The following PIP4K2A variants were observed in gnomAD, a reference collection of about 807,000 sequenced individuals.
The protein encoded by PIP4K2A is phosphatidylinositol 5-phosphate 4-kinase type-2 alpha.
PIP4K2A carries 14 observed loss-of-function variants against 42.9 expected under a neutral mutation model. The observed-to-expected ratio is 0.33, with a 90% CI of 0.22 to 0.51. The LOEUF (loss-of-function observed/expected upper bound fraction) is 0.51, where lower values mean the gene tolerates loss of function less well. PIP4K2A is among the 20% of genes least tolerant of loss of function. PIP4K2A has a pLI of 0.97. For missense variants in PIP4K2A, 434 were observed against 519.8 expected (o/e 0.83, Z 1.61); for synonymous variants, 192 against 192.2 (o/e 1.00, Z 0.01).
intron 1 of PIP4K2A, among the ~76,000 whole-genome samples, chr10:22,639,326 C>A (rs1588679099): frequency 6.7e-6 from 1 of 149,572 alleles, no homozygotes; most frequent in South Asian, 2.1e-4. Context: ...CAGAAACACC[C>A]ATTTACTTTA....
intron 1 of PIP4K2A, among the ~76,000 whole-genome samples, chr10:22,697,771 C>G (rs1057010464): frequency 6.6e-6 from 1 of 151,994 alleles, no homozygotes; most frequent in African/African-American, 2.4e-5. Flanking sequence ...CACACACACA[C>G]AAACACACAC....
chr10:22,686,895 C>T (rs367560005), intron 1 of PIP4K2A, among the ~76,000 whole-genome samples: 9 of 152,226 alleles, frequency 5.9e-5, no homozygotes, highest in Middle Eastern at 3.4e-3. Flanking sequence ...TGTCTGGAGA[C>T]GCCAGAAGCG....
intron 7 of PIP4K2A, among the ~76,000 whole-genome samples, chr10:22,550,409 G>C (rs921578256): frequency 6.6e-6 from 1 of 152,220 alleles, no homozygotes; most frequent in Non-Finnish European, 1.5e-5. Flanking sequence ...TGGGACCGGG[G>C]ATTCCCAGCG....
At chr10:22,570,568 T>C (rs1477395372) in intron 5 of PIP4K2A, among the ~76,000 whole-genome samples, 17 of 152,186 alleles carry the variant, frequency 1.1e-4, no homozygotes, top group Admixed American at 1.0e-3. Context: ...GTGGATCCAG[T>C]GTGTGGGGAC....
chr10:22,712,702 C>A (rs1833931626), intron 1 of PIP4K2A, among the ~76,000 whole-genome samples: 1 of 152,112 alleles, frequency 6.6e-6, no homozygotes, highest in African/African-American at 2.4e-5. Flanking sequence ...TCCCAAATAG[C>A]TAAAGAAGTT....
intron 1 of PIP4K2A, chr10:22,659,581 C>G (rs549605957): frequency 6.6e-6 from 1 of 152,230 alleles, no homozygotes; most frequent in East Asian, 1.9e-4. Context: ...GACATTAATG[C>G]TCCGTAGAGC....
chr10:22,671,529 C>G (rs1012273395), intron 1 of PIP4K2A, among the ~76,000 whole-genome samples: 5 of 152,150 alleles, frequency 3.3e-5, no homozygotes, highest in African/African-American at 1.2e-4. Context: ...AGACTGCCCA[C>G]CTGGGTCCTG....
chr10:22,540,738 A>G (rs1445144560), intron 8 of PIP4K2A, among the ~76,000 whole-genome samples: 2 of 152,124 alleles, frequency 1.3e-5, no homozygotes, highest in African/African-American at 2.4e-5. Flanking sequence ...TATTTTTAGT[A>G]GAGATGGGGT....
chr10:22,588,018 T>C lies in PIP4K2A; in HGVS notation c.492+3611A>G, dbSNP rs1006730040. On this transcript the variant is annotated intron_variant, in intron 4 of 9. Coordinates refer to ENST00000376573, the MANE Select transcript of PIP4K2A (RefSeq NM_005028.5). Reference sequence around the variant, plus strand: ...GTTGAGACCTTTTATGAGGTTTCTGTGGAATTCTCTGATCATGTAATTAAC... The same window carrying C: ...GTTGAGACCTTTTATGAGGTTTCTGCGGAATTCTCTGATCATGTAATTAAC... Among the ~76,000 whole-genome samples, 8 of 152,336 alleles carry C rather than the reference T, an allele frequency of 5.3e-5. No individual in the cohort carries two copies. In the South Asian group the frequency reaches 1.7e-3, roughly 32 times the overall value.
chr10:22,650,596 T>C (rs1838974458), intron 1 of PIP4K2A, among the ~76,000 whole-genome samples: 2 of 152,350 alleles, frequency 1.3e-5, no homozygotes, highest in East Asian at 1.9e-4. Context: ...CAAGCTGGAC[T>C]TCTCGCTTCA....
At chr10:22,692,781 C>T in intron 1 of PIP4K2A, among the ~76,000 whole-genome samples, 1 of 152,182 alleles carries the variant, frequency 6.6e-6, no homozygotes, top group South Asian at 2.1e-4. Context: ...TCTTTACTAC[C>T]TACATACCAA....
intron 4 of PIP4K2A, among the ~76,000 whole-genome samples, chr10:22,576,362 G>A (rs940739182): frequency 2.0e-5 from 3 of 152,150 alleles, no homozygotes; most frequent in African/African-American, 7.2e-5. Context: ...GAGAATCCTG[G>A]TGGATTCTCC....
chr10:22,625,138 A>G (rs1484173422), intron 1 of PIP4K2A, among the ~76,000 whole-genome samples: 1 of 152,222 alleles, frequency 6.6e-6, no homozygotes, highest in Non-Finnish European at 1.5e-5. Context: ...CCAGTGATAC[A>G]GTTCTTCCAC....
At position 22,624,709 on chromosome 10, in the gene PIP4K2A, C is replaced by T. The variant is rs370247249; in HGVS notation, c.145-14992G>A. On this transcript the variant is annotated intron_variant, in intron 1 of 9. Transcript: ENST00000376573. ...GGGAAAAAAAAATCAGCACACTTTACGCTTCCTTTCAAAGTAAAGGTGAGA... is the reference window on the plus strand; with the variant it reads ...GGGAAAAAAAAATCAGCACACTTTATGCTTCCTTTCAAAGTAAAGGTGAGA... Among the ~76,000 whole-genome samples the T allele has an allele frequency of 2.1e-3, 314 of 152,208 alleles. 3 individuals carry two copies. Among genetic ancestry groups the T allele is most frequent in the Middle Eastern group, 6.8e-3 (2 of 294 alleles).
chr10:22,567,761 G>A (rs752484463), intron 6 of PIP4K2A, 90 bp downstream of exon 6: 2 of 1,081,390 alleles, frequency 1.8e-6, no homozygotes, highest in Non-Finnish European at 2.9e-6. Context: ...ACAATAGCAG[G>A]GGTGGGAGAC....
intron 1 of PIP4K2A, among the ~76,000 whole-genome samples, chr10:22,699,516 C>A (rs981420834): frequency 2.0e-5 from 3 of 151,464 alleles, no homozygotes; most frequent in Admixed American, 6.6e-5. Flanking sequence ...TTGGGAGGGG[C>A]ACATGGTCAG....
chr10:22,565,280 G>A (rs912224909), intron 6 of PIP4K2A, among the ~76,000 whole-genome samples: 4 of 152,184 alleles, frequency 2.6e-5, no homozygotes, highest in Admixed American at 6.5e-5. Context: ...TTCTGACGCC[G>A]CACTGACTGT....
intron 4 of PIP4K2A, among the ~76,000 whole-genome samples, chr10:22,584,623 G>A (rs1310167895): frequency 2.0e-5 from 3 of 152,130 alleles, no homozygotes; most frequent in Admixed American, 6.5e-5. Context: ...AAATGGCTGA[G>A]GACATTGGGA....
At chr10:22,587,714 CAAG>C (rs900604602) in intron 4 of PIP4K2A, among the ~76,000 whole-genome samples, 39 of 152,270 alleles carry the variant, frequency 2.6e-4, no homozygotes, top group African/African-American at 8.7e-4. Flanking sequence ...AAGTGGCATA[CAAG>C]AAGAACAGCC....
Sources: allele counts gnomAD v4.1 joint callset (sites outside exome capture counted in the v4.1 genomes callset), GRCh38; gene constraint gnomAD v4.1.1; transcripts MANE v1.5; gene names NCBI Gene and HGNC (gene_info 2026-07-23, HGNC 2026-07-21).